The following DYNC2LI1 variants were observed in gnomAD, a reference collection of about 807,000 sequenced individuals.
The protein encoded by DYNC2LI1 is cytoplasmic dynein 2 light intermediate chain 1.
Under a neutral mutation model 51.9 loss-of-function variants are expected in DYNC2LI1, and 45 were observed. That is an observed-to-expected ratio of 0.87 (90% CI 0.68 to 1.11). The LOEUF (loss-of-function observed/expected upper bound fraction) is 1.11. DYNC2LI1 is among the 50% of genes most tolerant of loss of function. DYNC2LI1 has a pLI of 0.00. For synonymous variants in DYNC2LI1, 130 were observed against 137.8 expected, an observed-to-expected ratio of 0.94 and a Z score of 0.40; for missense variants, 490 against 417.4, an observed-to-expected ratio of 1.17 and a Z score of -1.51.
chr2:43,801,769 C>G (rs1188799251), intron 10 of DYNC2LI1, 60 bp downstream of exon 10: 3 of 1,291,284 alleles, frequency 2.3e-6, no homozygotes, highest in Non-Finnish European at 3.3e-6. Flanking sequence ...TTTTGTCCTA[C>G]TCCATGTTCA....
intron 2 of DYNC2LI1, among the ~76,000 whole-genome samples, chr2:43,778,217 G>T (rs1673112205): frequency 6.6e-6 from 1 of 152,172 alleles, no homozygotes; most frequent in African/African-American, 2.4e-5. Context: ...AGGCTAGAGT[G>T]CAGTGGTGCG....
At chr2:43,814,440 A>G (rs1391287097), downstream of DYNC2LI1, 5 of 1,363,534 alleles carry the variant, frequency 3.7e-6, no homozygotes, top group African/African-American at 1.4e-5. Flanking sequence ...TCCTCAGAGT[A>G]ACATGCAAAA....
intron 2 of DYNC2LI1, among the ~76,000 whole-genome samples, chr2:43,779,734 G>C (rs1558663724): frequency 6.6e-6 from 1 of 152,200 alleles, no homozygotes; most frequent in Non-Finnish European, 1.5e-5. Context: ...AGATGATCAA[G>C]AAAAATGTAT....
intron 5 of DYNC2LI1, among the ~76,000 whole-genome samples, chr2:43,791,031 A>ATAGTG (rs1673758143): frequency 6.6e-6 from 1 of 152,170 alleles, no homozygotes; most frequent in Non-Finnish European, 1.5e-5. Flanking sequence ...CCTGGGCAAC[A>ATAGTG]TAGTGAGACC....
At chr2:43,802,759 G>A (rs1666116769) in intron 10 of DYNC2LI1, among the ~76,000 whole-genome samples, 1 of 152,082 alleles carries the variant, frequency 6.6e-6, no homozygotes, top group African/African-American at 2.4e-5. Context: ...TAGTGTGGGA[G>A]AAAAGAATTT....
At chr2:43,808,175 T>C (rs1458375732) in intron 12 of DYNC2LI1, among the ~76,000 whole-genome samples, 6 of 152,086 alleles carry the variant, frequency 3.9e-5, no homozygotes, top group Admixed American at 3.9e-4. Context: ...CTGAATTAGC[T>C]TTATTAGAAA....
chr2:43,814,457 T>C, downstream of DYNC2LI1: 1 of 1,489,860 alleles, frequency 6.7e-7, no homozygotes, highest in Non-Finnish European at 9.4e-7. Flanking sequence ...AAAAATAATA[T>C]CCCCAAATAG....
intron 5 of DYNC2LI1, chr2:43,792,590 C>T (rs1467927968): frequency 7.4e-7 from 1 of 1,355,244 alleles, no homozygotes; most frequent in African/African-American, 1.5e-5. Flanking sequence ...ATATTCTCAT[C>T]ACCATACATC....
At chr2:43,828,240 A>C in the DYNC2LI1 span, 5 of 1,286,664 alleles carry the variant, frequency 3.9e-6, no homozygotes, top group East Asian at 2.4e-5. Context: ...TTCCAGACTC[A>C]CCACACCCTG....
At chr2:43,784,067 C>CA (rs1673409154) in intron 3 of DYNC2LI1, among the ~76,000 whole-genome samples, 1 of 152,168 alleles carries the variant, frequency 6.6e-6, no homozygotes, top group African/African-American at 2.4e-5. Context: ...GGAAAGCCTT[C>CA]AGTCATTTTT....
intron 5 of DYNC2LI1, chr2:43,793,356 C>T (rs1572708406): frequency 6.5e-6 from 1 of 152,704 alleles, no homozygotes; most frequent in East Asian, 1.9e-4. Flanking sequence ...TGCCTGTGAT[C>T]CCAGCTACTT....
chr2:43,827,364 A>G, the DYNC2LI1 span, among the ~76,000 whole-genome samples: 1 of 151,878 alleles, frequency 6.6e-6, no homozygotes, highest in Non-Finnish European at 1.5e-5. Context: ...TGTTAAAAAC[A>G]TCTCTCTTAT....
At chr2:43,818,264 C>T in the DYNC2LI1 span, among the ~76,000 whole-genome samples, 5 of 151,862 alleles carry the variant, frequency 3.3e-5, no homozygotes, top group East Asian at 5.8e-4. Context: ...GCCAACATGG[C>T]GAAACCCCAT....
chr2:43,820,746 C>G, the DYNC2LI1 span, among the ~76,000 whole-genome samples: 1 of 152,142 alleles, frequency 6.6e-6, no homozygotes, highest in African/African-American at 2.4e-5. Context: ...CTCTGCTTCC[C>G]AGGTTCCAGT....
chr2:43,813,177 G>A (rs1666569903), downstream of DYNC2LI1: 5 of 1,534,606 alleles, frequency 3.3e-6, no homozygotes, highest in African/African-American at 2.7e-5. Flanking sequence ...GACAAGAGCT[G>A]GAATAAATGA....
At chr2:43,809,135 A>T (rs1666386861) in intron 12 of DYNC2LI1, among the ~76,000 whole-genome samples, 1 of 151,988 alleles carries the variant, frequency 6.6e-6, no homozygotes, top group African/African-American at 2.4e-5. Context: ...ACCACAGCGC[A>T]CACCACCATG....
At chr2:43,801,920 C>T (rs1666090470) in intron 10 of DYNC2LI1, among the ~76,000 whole-genome samples, 1 of 152,072 alleles carries the variant, frequency 6.6e-6, no homozygotes, top group South Asian at 2.1e-4. Context: ...ACATAAGAGA[C>T]TGATTTTTCA....
chr2:43,824,653 T>C, the DYNC2LI1 span: 23 of 984,788 alleles, frequency 2.3e-5, no homozygotes, highest in African/African-American at 3.5e-5. Flanking sequence ...CTCAGCTAAT[T>C]ATGCTCTGAT....
chr2:43,776,920 A>G (rs1175653227), intron 2 of DYNC2LI1, 21 bp downstream of exon 2: 1 of 1,208,664 alleles, frequency 8.3e-7, no homozygotes, highest in East Asian at 2.3e-5. Context: ...CTTTTTTTCA[A>G]TTATTGTGAT....
Sources: allele counts gnomAD v4.1 joint callset (sites outside exome capture counted in the v4.1 genomes callset), GRCh38; gene constraint gnomAD v4.1.1; transcripts MANE v1.5; gene names NCBI Gene and HGNC (gene_info 2026-07-23, HGNC 2026-07-21).